The following LMBR1 variants were observed in gnomAD, a reference collection of about 807,000 sequenced individuals.
The protein encoded by LMBR1 is limb region 1 protein homolog.
LMBR1 carries 52 observed loss-of-function variants against 73.9 expected under a neutral mutation model. The observed-to-expected ratio is 0.70, with a 90% CI of 0.56 to 0.89. The LOEUF is 0.89. Among genes scored for constraint, LMBR1 ranks in the 40% least tolerant of loss-of-function variants. The pLI is 0.00. For synonymous variants in LMBR1, 215 were observed against 209.4 expected (o/e 1.03, Z -0.23); for missense variants, 539 against 579.8 (o/e 0.93, Z 0.72).
At chr7:156,868,398 G>A (rs1033929257) in intron 1 of LMBR1, among the ~76,000 whole-genome samples, 17 of 152,004 alleles carry the variant, frequency 1.1e-4, no homozygotes, top group African/African-American at 2.9e-4. Context: ...GTGGCAGGCC[G>A]GGCACGGTGG....
At chr7:156,691,147 T>A (rs947384723) in intron 15 of LMBR1, among the ~76,000 whole-genome samples, 1 of 152,342 alleles carries the variant, frequency 6.6e-6, no homozygotes, top group Middle Eastern at 3.4e-3. Context: ...AAAATACTAC[T>A]ATTAGAAAGA....
intron 5 of LMBR1, among the ~76,000 whole-genome samples, chr7:156,776,913 TAGC>T (rs1316478139): frequency 6.6e-6 from 1 of 151,900 alleles, no homozygotes; most frequent in Non-Finnish European, 1.5e-5. Context: ...TGGCTGACTT[TAGC>T]AATTTTCACA....
chr7:156,674,263 C>G (rs188142238), downstream of LMBR1, among the ~76,000 whole-genome samples: 13 of 152,300 alleles, frequency 8.5e-5, no homozygotes, highest in African/African-American at 3.1e-4. Flanking sequence ...TGCCACCCCC[C>G]GGGCCTGGAG....
chr7:156,868,099 T>C (rs1267718703), intron 1 of LMBR1, among the ~76,000 whole-genome samples: 4 of 151,984 alleles, frequency 2.6e-5, no homozygotes, highest in Non-Finnish European at 5.9e-5. Context: ...TCTGTGCACC[T>C]TAAGTCCAAA....
At chr7:156,689,429 C>T (rs1235419449) in intron 15 of LMBR1, among the ~76,000 whole-genome samples, 1 of 152,200 alleles carries the variant, frequency 6.6e-6, no homozygotes, top group African/African-American at 2.4e-5. Flanking sequence ...CTCAATTTTA[C>T]ATTATCAGTT....
intron 5 of LMBR1, among the ~76,000 whole-genome samples, chr7:156,777,936 C>T (rs1294681367): frequency 3.3e-5 from 5 of 152,158 alleles, no homozygotes; most frequent in Admixed American, 6.5e-5. Context: ...CCCTGAGCCT[C>T]GGTCCAGTCA....
chr7:156,706,072 A>G (rs77132936), intron 15 of LMBR1, among the ~76,000 whole-genome samples: 3,988 of 152,206 alleles, frequency 0.026, 178 homozygotes, highest in African/African-American at 0.092. Flanking sequence ...CTCAAAGTAA[A>G]GATATTCCAC....
In LMBR1 at chr7:156,891,533, C is replaced by T. The variant is rs1212788089; in HGVS notation, c.66+1395G>A. On this transcript the variant is annotated intron_variant, in intron 1 of 16. Coordinates refer to ENST00000353442, the MANE Select transcript of LMBR1 (RefSeq NM_022458.4). ...TCTATGATATTAGAAGCCAGGGCAA[C>T]GTTTACCCTTGGTGGAGGAGAAAGT... 2.0e-5 allele frequency among the ~76,000 whole-genome samples: 3 copies of T among 151,926 alleles called. No individual in the cohort carries two copies. The East Asian group carries it at 5.8e-4, about 29-fold the overall frequency.
At chr7:156,734,887 T>C (rs1292638133) in intron 9 of LMBR1, among the ~76,000 whole-genome samples, 3 of 152,220 alleles carry the variant, frequency 2.0e-5, no homozygotes, top group African/African-American at 7.2e-5. Context: ...TACATATGTA[T>C]CATATGCATG....
chr7:156,764,961 TC>T (rs1237870752), intron 5 of LMBR1, among the ~76,000 whole-genome samples: 2 of 152,190 alleles, frequency 1.3e-5, no homozygotes, highest in Non-Finnish European at 2.9e-5. Flanking sequence ...TTAAAACACT[TC>T]CTCAAATCTG....
At chr7:156,770,649 C>T (rs1825005738) in intron 5 of LMBR1, among the ~76,000 whole-genome samples, 2 of 152,136 alleles carry the variant, frequency 1.3e-5, no homozygotes, top group Non-Finnish European at 2.9e-5. Context: ...CACGATGGCT[C>T]ATGCTTGTAA....
rs1414803243 is a variant in LMBR1 at position 156,669,581 on chromosome 7, CCT to C, written n.867-296_867-295del. Reference sequence around the variant, plus strand: ...TCCAGGACCCAGACCCCTGTGAGGCCCTGAGCTGGGCGCTGAGCAGATAGGTC... The same window carrying C: ...TCCAGGACCCAGACCCCTGTGAGGCCGAGCTGGGCGCTGAGCAGATAGGTC... On this transcript the variant is annotated intron_variant and non_coding_transcript_variant, in intron 4 of 4. Coordinates refer to the LMBR1 transcript ENST00000430825. This position sits in a 1 kb window ranked among gnomAD's most constrained non-coding sequence, Gnocchi z 4.2. Among the ~76,000 whole-genome samples the C allele has an allele frequency of 6.6e-6, 1 of 152,120 alleles. No homozygotes were observed. Among genetic ancestry groups the C allele is most frequent in the Non-Finnish European group, 1.5e-5 (1 of 68,016 alleles).
chr7:156,716,959 G>A (rs892680660), intron 15 of LMBR1, among the ~76,000 whole-genome samples: 4 of 152,030 alleles, frequency 2.6e-5, no homozygotes, highest in Admixed American at 6.6e-5. Flanking sequence ...GTAGTAGAGT[G>A]AGACCCCATC....
At chr7:156,819,775 T>C (rs1002442480) in intron 4 of LMBR1, among the ~76,000 whole-genome samples, 1 of 152,050 alleles carries the variant, frequency 6.6e-6, no homozygotes, top group African/African-American at 2.4e-5. Flanking sequence ...AGGTAATCAG[T>C]GGAATTTTAG....
intron 10 of LMBR1, among the ~76,000 whole-genome samples, chr7:156,731,610 G>A (rs941471511): frequency 6.6e-6 from 1 of 152,126 alleles, no homozygotes; most frequent in African/African-American, 2.4e-5. Context: ...AAAATTTTTA[G>A]TATGTTTTCC....
In LMBR1 at chr7:156,887,247, G is replaced by A. The variant is rs544532004; in HGVS notation, c.66+5681C>T. Among the ~76,000 whole-genome samples the A allele has an allele frequency of 3.1e-4, 47 of 152,170 alleles. No homozygotes were observed. In the South Asian group the frequency reaches 8.7e-3, roughly 28 times the overall value. ...TTGGGAGGCCGAGGCGGCAGATCAC[G>A]AGGTCAAGAGATTGAGACCATTCTG... On this transcript the variant is annotated intron_variant, in intron 1 of 16. Coordinates refer to ENST00000353442, the MANE Select transcript of LMBR1 (RefSeq NM_022458.4).
At chr7:156,820,970 G>C (rs1030238067) in intron 4 of LMBR1, among the ~76,000 whole-genome samples, 46 of 152,194 alleles carry the variant, frequency 3.0e-4, no homozygotes, top group Admixed American at 2.7e-3. Flanking sequence ...GGATGTTGGG[G>C]CAACGCCCTG....
At chr7:156,710,562 C>A (rs1271261587) in intron 15 of LMBR1, among the ~76,000 whole-genome samples, 1 of 152,110 alleles carries the variant, frequency 6.6e-6, no homozygotes, top group Non-Finnish European at 1.5e-5. Flanking sequence ...AATTAGTGTT[C>A]CTGAGGAAGA....
intron 4 of LMBR1, among the ~76,000 whole-genome samples, chr7:156,801,524 T>C (rs1464879873): frequency 6.6e-6 from 1 of 152,182 alleles, no homozygotes; most frequent in Non-Finnish European, 1.5e-5. Context: ...CTGTCACTGT[T>C]AGGTATGTAA....
Sources: allele counts gnomAD v4.1 joint callset (sites outside exome capture counted in the v4.1 genomes callset), GRCh38; gene constraint gnomAD v4.1.1; non-coding constraint Gnocchi (gnomAD v3.1); transcripts MANE v1.5; gene names NCBI Gene and HGNC (gene_info 2026-07-23, HGNC 2026-07-21).